Variants in PLXDC2 observed in about 807,000 individuals in gnomAD.
PLXDC2 encodes the protein plexin domain-containing protein 2.
Under a neutral mutation model 68.9 loss-of-function variants are expected in PLXDC2, and 40 were observed. The ratio of observed to expected loss-of-function variants is 0.58; its 90% CI spans 0.45 to 0.76. The LOEUF is 0.76. PLXDC2 is among the 30% of genes least tolerant of loss of function. PLXDC2 has a pLI of 0.00. For missense variants in PLXDC2, 644 were observed against 661.9 expected (o/e 0.97, Z 0.30); for synonymous variants, 243 against 234.2 (o/e 1.04, Z -0.34).
At chr10:19,865,803 C>T (rs974905287) in intron 1 of PLXDC2, among the ~76,000 whole-genome samples, 35 of 152,308 alleles carry the variant, frequency 2.3e-4, no homozygotes, top group African/African-American at 7.9e-4. Flanking sequence ...TCTGTAAGCT[C>T]TCTTTCTGGA....
chr10:20,050,706 C>A (rs11011758), intron 3 of PLXDC2, among the ~76,000 whole-genome samples: 20 of 150,178 alleles, frequency 1.3e-4, no homozygotes, highest in African/African-American at 4.7e-4. Flanking sequence ...AAAAAAAAAA[C>A]AAAAACAAAA....
intron 1 of PLXDC2, among the ~76,000 whole-genome samples, chr10:19,871,752 G>C (rs553007952): frequency 2.0e-5 from 3 of 152,076 alleles, no homozygotes; most frequent in East Asian, 3.9e-4. Flanking sequence ...CTGGTGTGGT[G>C]GTGGGTGCCT....
intron 9 of PLXDC2, among the ~76,000 whole-genome samples, chr10:20,202,324 T>C (rs909005465): frequency 4.6e-5 from 7 of 152,296 alleles, no homozygotes; most frequent in Admixed American, 1.3e-4. Flanking sequence ...AGACACTATA[T>C]TGGAGAAATT....
At chr10:20,055,869 G>A (rs367977358) in intron 3 of PLXDC2, among the ~76,000 whole-genome samples, 3 of 151,958 alleles carry the variant, frequency 2.0e-5, no homozygotes, top group East Asian at 1.9e-4. Context: ...CAGAACATTC[G>A]TATAGTTATA....
chr10:19,966,061 G>A (rs962456073), intron 1 of PLXDC2, among the ~76,000 whole-genome samples: 1 of 151,574 alleles, frequency 6.6e-6, no homozygotes, highest in Non-Finnish European at 1.5e-5. Context: ...TTACAAATTA[G>A]AGAAATATAT....
At chr10:19,858,585 T>C (rs1837259282) in intron 1 of PLXDC2, among the ~76,000 whole-genome samples, 1 of 152,220 alleles carries the variant, frequency 6.6e-6, no homozygotes, top group Admixed American at 6.5e-5. Flanking sequence ...AGTTTAGATT[T>C]CTGTCTTCTT....
intron 1 of PLXDC2, among the ~76,000 whole-genome samples, chr10:19,950,218 A>G (rs1833969346): frequency 6.6e-6 from 1 of 152,214 alleles, no homozygotes; most frequent in Non-Finnish European, 1.5e-5. Flanking sequence ...AAAAGAAGTC[A>G]AACTATTTTT....
intron 4 of PLXDC2, among the ~76,000 whole-genome samples, chr10:20,126,097 C>T (rs1320661514): frequency 6.8e-6 from 1 of 146,928 alleles, no homozygotes; most frequent in East Asian, 2.0e-4. Context: ...CTATATAAAA[C>T]ATCAATATGT....
At chr10:19,978,866 G>A (rs1473342561) in intron 1 of PLXDC2, among the ~76,000 whole-genome samples, 1 of 152,104 alleles carries the variant, frequency 6.6e-6, no homozygotes, top group East Asian at 1.9e-4. Context: ...GCAAAGTATT[G>A]ATTACAAGAT....
At chr10:19,856,004 A>G (rs1210652903) in intron 1 of PLXDC2, among the ~76,000 whole-genome samples, 2 of 152,202 alleles carry the variant, frequency 1.3e-5, no homozygotes, top group African/African-American at 4.8e-5. Flanking sequence ...CTGAGGCAGG[A>G]GAATTGCTTG....
chr10:19,965,853 A>G (rs906673665), intron 1 of PLXDC2, among the ~76,000 whole-genome samples: 3 of 152,138 alleles, frequency 2.0e-5, no homozygotes, highest in African/African-American at 7.2e-5. Context: ...TGGTTTTAGA[A>G]TGAAGTTCCT....
At chr10:20,080,921 T>G (rs1172858178) in intron 4 of PLXDC2, among the ~76,000 whole-genome samples, 1 of 152,172 alleles carries the variant, frequency 6.6e-6, no homozygotes, top group Non-Finnish European at 1.5e-5. Flanking sequence ...TCCACAAAGC[T>G]AGAATTTCAG....
intron 9 of PLXDC2, among the ~76,000 whole-genome samples, chr10:20,184,917 A>G (rs1012425723): frequency 1.3e-5 from 2 of 152,016 alleles, no homozygotes; most frequent in African/African-American, 2.4e-5. Context: ...CAAACACCGC[A>G]TGTTCTCACT....
intron 1 of PLXDC2, among the ~76,000 whole-genome samples, chr10:19,879,383 T>C (rs182349955): frequency 1.8e-4 from 28 of 152,262 alleles, no homozygotes; most frequent in Non-Finnish European, 2.6e-4. Flanking sequence ...TCATCTAGAA[T>C]GATGTGGATG....
At chr10:20,085,813 C>G (rs920161646) in intron 4 of PLXDC2, among the ~76,000 whole-genome samples, 1 of 152,172 alleles carries the variant, frequency 6.6e-6, no homozygotes, top group Non-Finnish European at 1.5e-5. Context: ...AAGAAACAGA[C>G]TGCCTTTATA....
intron 1 of PLXDC2, among the ~76,000 whole-genome samples, chr10:19,982,634 A>G (rs1482169368): frequency 6.6e-6 from 1 of 152,194 alleles, no homozygotes; most frequent in Non-Finnish European, 1.5e-5. Context: ...TAAATTTTTG[A>G]TGCCCAACAG....
At position 20,288,642 on chromosome 10, in the gene PLXDC2, T is replaced by G. The variant is rs1021291138; in HGVS notation, c.*8823T>G. 1 of 152,250 alleles carries G rather than the reference T, an allele frequency of 6.6e-6. No homozygotes were observed. Among genetic ancestry groups the G allele is most frequent in the Non-Finnish European group, 1.5e-5 (1 of 68,046 alleles). The allele number at this position is 152,250 out of a possible 1,614,324, so 9.4% of individuals were successfully genotyped here. On this transcript the variant is annotated 3_prime_UTR_variant, in exon 14 of 14. Transcript: ENST00000377252. ...TTTGAATGTATTTCCTTACAGTCCA[T>G]TAATTTGACATCCATCTTTTACCTG...
chr10:20,134,104 C>T (rs774166188), intron 4 of PLXDC2, among the ~76,000 whole-genome samples: 23 of 151,954 alleles, frequency 1.5e-4, no homozygotes, highest in Non-Finnish European at 3.2e-4. Flanking sequence ...TTGTTTTATT[C>T]ATGTATTGCT....
At chr10:20,150,087 A>G (rs759807068) in intron 6 of PLXDC2, among the ~76,000 whole-genome samples, 8 of 152,154 alleles carry the variant, frequency 5.3e-5, no homozygotes, top group Non-Finnish European at 1.2e-4. Context: ...ATGAACCTAC[A>G]TTGACATTGA....
Sources: allele counts gnomAD v4.1 joint callset (sites outside exome capture counted in the v4.1 genomes callset), GRCh38; gene constraint gnomAD v4.1.1; transcripts MANE v1.5; gene names NCBI Gene and HGNC (gene_info 2026-07-23, HGNC 2026-07-21).